CFAP20DC: variants seen among roughly 807,000 people sequenced by gnomAD.
The protein encoded by CFAP20DC is CFAP20 domain containing.
A neutral mutation model predicts 101.7 loss-of-function variants in CFAP20DC; 84 were observed. That is an observed-to-expected ratio of 0.83 (90% CI 0.69 to 0.99). CFAP20DC has a LOEUF of 0.99. Among genes scored for constraint, CFAP20DC ranks in the 50% least tolerant of loss-of-function variants. The pLI is 0.00. For synonymous variants in CFAP20DC, 359 were observed against 351.2 expected (o/e 1.02, Z -0.25); for missense variants, 1,007 against 970.3 (o/e 1.04, Z -0.50).
At chr3:59,009,182 C>CA (rs2093518949) in intron 4 of CFAP20DC, among the ~76,000 whole-genome samples, 1 of 151,830 alleles carries the variant, frequency 6.6e-6, no homozygotes, top group Admixed American at 6.6e-5. Context: ...ACAGTCCAAC[C>CA]AAAAATAAAT....
intron 15 of CFAP20DC, among the ~76,000 whole-genome samples, chr3:58,778,652 C>A (rs1036534652): frequency 3.3e-5 from 5 of 152,192 alleles, no homozygotes; most frequent in African/African-American, 1.2e-4. Context: ...CTTAGAGGCC[C>A]AAGAATTGGC....
chr3:58,842,190 G>C (rs1006852832), intron 13 of CFAP20DC, among the ~76,000 whole-genome samples: 1 of 151,774 alleles, frequency 6.6e-6, no homozygotes, highest in Non-Finnish European at 1.5e-5. Context: ...AACAGCTCCG[G>C]TCTACAGCTC....
chr3:58,809,438 G>A (rs1025192709), intron 14 of CFAP20DC, among the ~76,000 whole-genome samples: 70 of 152,084 alleles, frequency 4.6e-4, no homozygotes, highest in Admixed American at 1.2e-3. Context: ...TGAACAACCT[G>A]CTCCTGAATG....
At chr3:58,778,882 C>A (rs947986046) in intron 15 of CFAP20DC, among the ~76,000 whole-genome samples, 1 of 152,200 alleles carries the variant, frequency 6.6e-6, no homozygotes, top group African/African-American at 2.4e-5. Context: ...AGATATCATA[C>A]AGAGACTACA....
At chr3:58,782,648 A>T (rs1408830679) in intron 15 of CFAP20DC, among the ~76,000 whole-genome samples, 1 of 152,006 alleles carries the variant, frequency 6.6e-6, no homozygotes, top group Non-Finnish European at 1.5e-5. Context: ...TAGCTAAGAA[A>T]TAAGAAAGCA....
At chr3:58,902,575 T>A (rs1300582610) in intron 6 of CFAP20DC, among the ~76,000 whole-genome samples, 1 of 152,208 alleles carries the variant, frequency 6.6e-6, no homozygotes, top group Non-Finnish European at 1.5e-5. Flanking sequence ...ATATCTTATT[T>A]GAAGAAATGT....
chr3:58,939,583 C>T (rs771058852), intron 4 of CFAP20DC, among the ~76,000 whole-genome samples: 6 of 151,112 alleles, frequency 4.0e-5, no homozygotes, highest in Non-Finnish European at 7.4e-5. Context: ...CTCAGTCTCC[C>T]GAGTAGCTGG....
intron 7 of CFAP20DC, among the ~76,000 whole-genome samples, chr3:58,871,483 G>A (rs1273582183): frequency 1.3e-5 from 2 of 151,696 alleles, no homozygotes; most frequent in East Asian, 3.9e-4. Context: ...TTACATTTCT[G>A]AGCATACCCT....
At chr3:58,974,203 A>C (rs975530173) in intron 4 of CFAP20DC, among the ~76,000 whole-genome samples, 2 of 152,120 alleles carry the variant, frequency 1.3e-5, no homozygotes, top group East Asian at 3.9e-4. Context: ...CTTGTCACCT[A>C]GGTAGTGAGC....
At chr3:58,957,711 G>C (rs917154772) in intron 4 of CFAP20DC, among the ~76,000 whole-genome samples, 3 of 152,122 alleles carry the variant, frequency 2.0e-5, no homozygotes, top group African/African-American at 7.2e-5. Flanking sequence ...ACAATATATG[G>C]AATTGGAGGT....
At chr3:58,929,610 T>C (rs999455760) in intron 5 of CFAP20DC, among the ~76,000 whole-genome samples, 4 of 152,216 alleles carry the variant, frequency 2.6e-5, no homozygotes, top group Admixed American at 1.3e-4. Context: ...TTTTTAAAAC[T>C]TCTACTGCAA....
chr3:58,893,845 T>C (rs1378622998), intron 6 of CFAP20DC, among the ~76,000 whole-genome samples: 1 of 152,032 alleles, frequency 6.6e-6, no homozygotes, highest in African/African-American at 2.4e-5. Context: ...AAGACATACC[T>C]GAGACTGGGC....
intron 4 of CFAP20DC, among the ~76,000 whole-genome samples, chr3:59,009,621 A>C (rs973871720): frequency 7.2e-5 from 11 of 152,124 alleles, no homozygotes; most frequent in African/African-American, 2.7e-4. Context: ...GAGGAAGAAG[A>C]GAAATATACA....
At chr3:58,731,212 G>A (rs558235062) in intron 3 of CFAP20DC, among the ~76,000 whole-genome samples, 50 of 152,312 alleles carry the variant, frequency 3.3e-4, no homozygotes, top group African/African-American at 1.2e-3. Context: ...GGAAAGTGAA[G>A]GATGGAAAGA....
Position 59,039,583 on chromosome 3 carries a change from CA to C in CFAP20DC, c.251del (p.Leu84ArgfsTer10), listed in dbSNP as rs1321699356. 1 of 1,526,890 alleles carries C rather than the reference CA, an allele frequency of 6.5e-7. No homozygotes were observed. The highest frequency in any genetic ancestry group is 8.8e-7 in the Non-Finnish European group (1 of 1,141,542). 94.6% of individuals were successfully genotyped at this position (1,526,890 alleles called of 1,614,324 possible). A position where few individuals can be genotyped will look rare whatever the true frequency, so the allele number is the denominator to read the frequency against. On this transcript the variant is annotated frameshift_variant, in exon 4 of 17. Transcript: ENST00000482387. LOFTEE classifies it high-confidence loss of function. ...RFLVLQIYVP[L>X]GQDFSTELLI... ...GCAATTCAGTGGAGAAGTCTTGTCC[CA>C]GGGGTACGTAAATCTGAAGTACAAG...
chr3:58,776,270 T>C (rs934137305), intron 15 of CFAP20DC, among the ~76,000 whole-genome samples: 1 of 152,168 alleles, frequency 6.6e-6, no homozygotes, highest in African/African-American at 2.4e-5. Flanking sequence ...CTGAGATTGT[T>C]GAGCTAAAGA....
chr3:59,019,158 T>C (rs1489635924), intron 4 of CFAP20DC: 1 of 152,130 alleles, frequency 6.6e-6, no homozygotes, highest in Non-Finnish European at 1.5e-5. Flanking sequence ...TATTTTACAC[T>C]GCATGCCACT....
chr3:58,895,923 A>T (rs976871414), intron 6 of CFAP20DC, among the ~76,000 whole-genome samples: 30 of 152,286 alleles, frequency 2.0e-4, no homozygotes, highest in African/African-American at 7.0e-4. Flanking sequence ...ATCTTGTGAG[A>T]CTTATTCGCT....
At chr3:58,910,257 T>A in intron 6 of CFAP20DC, among the ~76,000 whole-genome samples, 1 of 152,148 alleles carries the variant, frequency 6.6e-6, no homozygotes, top group East Asian at 1.9e-4. Flanking sequence ...ATATACTTCT[T>A]TTTCTTCACC....
Sources: gnomAD v4.1 joint callset for allele counts (sites outside exome capture counted in the v4.1 genomes callset) on GRCh38, gnomAD v4.1.1 for gene constraint, MANE v1.5 for transcripts, NCBI Gene and HGNC (gene_info 2026-07-23, HGNC 2026-07-21) for gene names.